Variants in RALYL observed in about 807,000 individuals in gnomAD.
The protein encoded by RALYL is RNA-binding Raly-like protein.
Under a neutral mutation model 35.1 loss-of-function variants are expected in RALYL, and 29 were observed. The observed-to-expected ratio is 0.83, with a 90% confidence interval of 0.61 to 1.13. RALYL has a LOEUF of 1.13. Among genes scored for constraint, RALYL ranks in the 50% most tolerant of loss-of-function variants. RALYL has a pLI of 0.00. For missense variants in RALYL, 359 were observed against 360.4 expected, an observed-to-expected ratio of 1.00 and a Z score of 0.03; for synonymous variants, 120 against 127.6, an observed-to-expected ratio of 0.94 and a Z score of 0.40.
chr8:84,718,105 T>A (rs947906741), intron 2 of RALYL, among the ~76,000 whole-genome samples: 2 of 152,156 alleles, frequency 1.3e-5, no homozygotes, highest in African/African-American at 2.4e-5. Context: ...TGTTGTTATG[T>A]CTTGGGAAAT....
intron 8 of RALYL, among the ~76,000 whole-genome samples, 153 bp from the exon 9 acceptor site, chr8:84,920,741 C>A (rs1240152628): frequency 6.6e-6 from 1 of 152,034 alleles, no homozygotes; most frequent in Non-Finnish European, 1.5e-5. Context: ...GACCTAAGAA[C>A]CTACCATCAA....
At chr8:84,668,394 C>T (rs568121487) in intron 2 of RALYL, among the ~76,000 whole-genome samples, 2 of 152,010 alleles carry the variant, frequency 1.3e-5, no homozygotes, top group South Asian at 4.2e-4. Context: ...TGTGTGTGTA[C>T]GTATGTAACA....
chr8:84,885,745 T>C (rs949808377), intron 7 of RALYL, among the ~76,000 whole-genome samples: 1 of 152,166 alleles, frequency 6.6e-6, no homozygotes, highest in Non-Finnish European at 1.5e-5. Context: ...CAGCTCTTTT[T>C]CTCCTCTGAA....
intron 4 of RALYL, among the ~76,000 whole-genome samples, chr8:84,824,908 T>C (rs920419857): frequency 6.6e-6 from 1 of 151,840 alleles, no homozygotes; most frequent in Non-Finnish European, 1.5e-5. Flanking sequence ...ACTATAAGAA[T>C]CTTAGAAAAT....
At chr8:84,417,070 CCAGGCAATGGG>C (rs1304339415) in intron 1 of RALYL, among the ~76,000 whole-genome samples, 1 of 150,114 alleles carries the variant, frequency 6.7e-6, no homozygotes, top group Non-Finnish European at 1.5e-5. Flanking sequence ...TGGTGCAGTG[CCAGGCAATGGG>C]TATGTAGTAG....
rs191535707 is a variant in RALYL at position 84,672,788 on chromosome 8, G to A, written c.257-101791G>A. ...CAGGAAAACCTGCCCCCATGATGCA[G>A]TTACCTCCCACCAGGTCCCTCCCAT... On this transcript the variant is annotated intron_variant, in intron 2 of 8. Coordinates refer to ENST00000521268, the MANE Select transcript of RALYL (RefSeq NM_173848.7). 3.7e-4 allele frequency among the ~76,000 whole-genome samples: 56 copies of A among 152,236 alleles called. No individual in the cohort carries two copies. In the East Asian group the frequency reaches 0.01, roughly 28 times the overall value.
chr8:84,319,355 C>G (rs1297251223), intron 1 of RALYL, among the ~76,000 whole-genome samples: 1 of 152,112 alleles, frequency 6.6e-6, no homozygotes, highest in African/African-American at 2.4e-5. Context: ...AAAAGTTTCA[C>G]TCTTCTAAAG....
intron 2 of RALYL, among the ~76,000 whole-genome samples, chr8:84,640,527 T>G (rs987253721): frequency 6.6e-6 from 1 of 151,976 alleles, no homozygotes; most frequent in Non-Finnish European, 1.5e-5. Flanking sequence ...GTTTTCTGAT[T>G]ACATTCAAAA....
At chr8:84,489,056 A>C (rs1381561887) in intron 1 of RALYL, among the ~76,000 whole-genome samples, 1 of 152,050 alleles carries the variant, frequency 6.6e-6, no homozygotes, top group East Asian at 1.9e-4. Context: ...CACTATTTTC[A>C]CATATTGTGC....
chr8:84,808,229 A>G (rs763320543), intron 4 of RALYL, among the ~76,000 whole-genome samples: 2 of 152,188 alleles, frequency 1.3e-5, no homozygotes, highest in Non-Finnish European at 2.9e-5. Flanking sequence ...GTGGCTTGCC[A>G]ATTATCCCAG....
intron 2 of RALYL, among the ~76,000 whole-genome samples, chr8:84,560,979 T>C (rs567070434): frequency 6.6e-6 from 1 of 152,074 alleles, no homozygotes; most frequent in Non-Finnish European, 1.5e-5. Flanking sequence ...TTGTGTTGAA[T>C]TTAGGGAACC....
At chr8:84,264,771 A>G (rs1054942513) in intron 1 of RALYL, among the ~76,000 whole-genome samples, 2 of 151,986 alleles carry the variant, frequency 1.3e-5, no homozygotes, top group Non-Finnish European at 2.9e-5. Flanking sequence ...CTTGAAATCA[A>G]CAATGACTGA....
intron 2 of RALYL, among the ~76,000 whole-genome samples, chr8:84,554,293 C>T (rs7014151): frequency 0.029 from 4,482 of 152,176 alleles, 111 homozygotes; most frequent in Middle Eastern, 0.075. Context: ...TAACAATTTA[C>T]GGTAGTTCAT....
intron 4 of RALYL, among the ~76,000 whole-genome samples, chr8:84,846,325 G>A (rs556095012): frequency 2.0e-5 from 3 of 152,228 alleles, no homozygotes; most frequent in Admixed American, 1.3e-4. Flanking sequence ...GCAGTGTTTT[G>A]TAGTTCTCCT....
At chr8:84,733,647 T>C (rs1197185722) in intron 2 of RALYL, among the ~76,000 whole-genome samples, 1 of 152,166 alleles carries the variant, frequency 6.6e-6, no homozygotes, top group Non-Finnish European at 1.5e-5. Context: ...AACCAGAAAA[T>C]TTGAATCCCT....
intron 1 of RALYL, 118 bp from the exon 2 acceptor site, chr8:84,529,181 G>C (rs780263543): frequency 1.4e-5 from 13 of 960,670 alleles, no homozygotes; most frequent in Non-Finnish European, 1.8e-5. Flanking sequence ...TTAATACTTA[G>C]GGATTGGAGG....
At chr8:84,811,200 G>A (rs1825830390) in intron 4 of RALYL, among the ~76,000 whole-genome samples, 1 of 152,040 alleles carries the variant, frequency 6.6e-6, no homozygotes, top group Admixed American at 6.6e-5. Flanking sequence ...TTCTTATAGT[G>A]GTGGTTTGGT....
chr8:84,639,726 C>A (rs922052541), intron 2 of RALYL, among the ~76,000 whole-genome samples: 1 of 151,900 alleles, frequency 6.6e-6, no homozygotes, highest in Non-Finnish European at 1.5e-5. Context: ...CATCATACAC[C>A]TTGGTGGAAT....
At chr8:84,393,544 C>A (rs1861168608) in intron 1 of RALYL, among the ~76,000 whole-genome samples, 1 of 152,158 alleles carries the variant, frequency 6.6e-6, no homozygotes, top group Non-Finnish European at 1.5e-5. Flanking sequence ...ACAAGGACAT[C>A]AATATCAGGA....
Sources: allele counts gnomAD v4.1 joint callset (sites outside exome capture counted in the v4.1 genomes callset), GRCh38; gene constraint gnomAD v4.1.1; transcripts MANE v1.5; gene names NCBI Gene and HGNC (gene_info 2026-07-23, HGNC 2026-07-21).